ABHD12B: variants seen among roughly 807,000 people sequenced by gnomAD.
ABHD12B encodes the protein protein ABHD12B.
Under a neutral mutation model 50.4 loss-of-function variants are expected in ABHD12B, and 42 were observed. That is an observed-to-expected ratio of 0.83 (90% CI 0.65 to 1.08). ABHD12B has a LOEUF of 1.08. Among genes scored for constraint, ABHD12B ranks in the 50% least tolerant of loss-of-function variants. The probability of loss-of-function intolerance (pLI) is 0.00; values close to 1 mark genes in which losing one functional copy is unlikely to be tolerated. For missense variants in ABHD12B, 479 were observed against 447.7 expected, an observed-to-expected ratio of 1.07 and a Z score of -0.63; for synonymous variants, 167 against 160.3, an observed-to-expected ratio of 1.04 and a Z score of -0.32.
intron 8 of ABHD12B, among the ~76,000 whole-genome samples, chr14:50,888,569 T>C (rs886171421): frequency 6.6e-6 from 1 of 152,120 alleles, no homozygotes; most frequent in African/African-American, 2.4e-5. Context: ...GGTTTTCAGT[T>C]ATCATCATGT....
At chr14:50,895,151 C>T (rs556899408) in intron 9 of ABHD12B, among the ~76,000 whole-genome samples, 1 of 150,224 alleles carries the variant, frequency 6.7e-6, no homozygotes, top group African/African-American at 2.5e-5. Context: ...AGACACTTTA[C>T]AGCCCTAGAC....
intron 4 of ABHD12B, among the ~76,000 whole-genome samples, chr14:50,881,028 G>A (rs920089096): frequency 3.3e-5 from 5 of 152,160 alleles, no homozygotes; most frequent in Non-Finnish European, 7.3e-5. Flanking sequence ...GAGGTCACAC[G>A]GAATTCTGAC....
At position 50,881,696 on chromosome 14, in the gene ABHD12B, G is replaced by A. The variant is rs548833648; in HGVS notation, c.486+70G>A. ...TGATATGTCATAAGATTTTCCTCAG[G>A]CCCTCCGCGTGGTTGTTTTTTGAGA... On this transcript the variant is annotated intron_variant, in intron 5 of 12. Coordinates refer to ENST00000337334, the MANE Select transcript of ABHD12B (RefSeq NM_001206673.2). 2.3e-5 allele frequency: 36 copies of A among 1,589,660 alleles called. No individual in the cohort carries two copies. The African/African-American group carries it at 4.2e-4, about 19-fold the overall frequency.
intron 9 of ABHD12B, among the ~76,000 whole-genome samples, chr14:50,898,563 C>T (rs2050225196): frequency 6.6e-6 from 1 of 152,096 alleles, no homozygotes; most frequent in Non-Finnish European, 1.5e-5. Flanking sequence ...AAGGTATGAC[C>T]TGTGAGTCTC....
intron 5 of ABHD12B, among the ~76,000 whole-genome samples, chr14:50,882,082 C>A (rs915210444): frequency 6.6e-6 from 1 of 151,884 alleles, no homozygotes; most frequent in African/African-American, 2.4e-5. Context: ...ATTACAGGCA[C>A]CAACCACCAC....
In ABHD12B at chr14:50,903,463, A is replaced by G. The variant is rs759608972; in HGVS notation, c.938A>G (p.Lys313Arg). The G allele has an allele frequency of 1.2e-6, 2 of 1,611,644 alleles. No homozygotes were observed. The highest frequency in any genetic ancestry group is 1.7e-6 in the Non-Finnish European group (2 of 1,178,428). ...DDRTVPLEYG[K>R]KLYEIARNAY... ...AGGACAGTGCCTTTGGAGTATGGGA[A>G]AAAGGTAAACTAAGGGCTCAATGCT... is the stretch of plus-strand genomic sequence containing the variant. The change falls in exon 11 of 13, where the codon AAA becomes AGA. Residue 313 changes from lysine to arginine, a missense_variant. Physicochemically the swap from Lys to Arg is conservative, Grantham distance 26 (BLOSUM62 2). Transcript: ENST00000337334.
intron 11 of ABHD12B, 77 bp from the exon 12 acceptor site, chr14:50,903,997 C>T: frequency 8.3e-7 from 1 of 1,199,400 alleles, no homozygotes; most frequent in Non-Finnish European, 1.2e-6. Flanking sequence ...TGTTTCTGTA[C>T]ACTTTTAGGG....
At chr14:50,887,088 C>A (rs1047084135) in intron 8 of ABHD12B, among the ~76,000 whole-genome samples, 12 of 151,766 alleles carry the variant, frequency 7.9e-5, no homozygotes, top group African/African-American at 2.9e-4. Flanking sequence ...GTGGTGGGTG[C>A]CTGTAATCCC....
chr14:50,895,020 C>CTCTT (rs2050177082), intron 9 of ABHD12B, among the ~76,000 whole-genome samples: 1 of 149,436 alleles, frequency 6.7e-6, no homozygotes, highest in Non-Finnish European at 1.5e-5. Context: ...GTGGCTGGAG[C>CTCTT]TAAAGGCATA....
intron 9 of ABHD12B, among the ~76,000 whole-genome samples, chr14:50,894,720 C>G (rs1383426707): frequency 6.6e-6 from 1 of 151,412 alleles, no homozygotes; most frequent in Non-Finnish European, 1.5e-5. Flanking sequence ...CAGTCCCTTC[C>G]TAGTCTCTGT....
chr14:50,894,105 C>T (rs930387864), intron 9 of ABHD12B, among the ~76,000 whole-genome samples: 4 of 152,050 alleles, frequency 2.6e-5, no homozygotes, highest in Non-Finnish European at 4.4e-5. Context: ...GTACCCCAAC[C>T]CCTTCTCTCC....
At chr14:50,875,854 C>T (rs2049856014) in intron 1 of ABHD12B, among the ~76,000 whole-genome samples, 1 of 152,200 alleles carries the variant, frequency 6.6e-6, no homozygotes, top group Middle Eastern at 3.2e-3. Context: ...CACACATTTC[C>T]CTCTACTGCC....
chr14:50,872,237 C>T lies in ABHD12B; in HGVS notation c.63C>T (p.Ser21=). 7.2e-7 allele frequency: 1 copy of T among 1,394,810 alleles called. No individual in the cohort carries two copies. The highest frequency in any genetic ancestry group is 9.3e-7 in the Non-Finnish European group (1 of 1,071,490). 86.4% of individuals were successfully genotyped at this position (1,394,810 alleles called of 1,614,324 possible). The part of the protein sequence containing the change: ...SPEPPGPPAR[S]CVAAWWDMVD... Reference sequence around the variant, plus strand: ...AGCCGCCCGGGCCCCCAGCCCGTAGCTGCGTGGCCGCCTGGTGGGACATGG... The same window carrying T: ...AGCCGCCCGGGCCCCCAGCCCGTAGTTGCGTGGCCGCCTGGTGGGACATGG... Residue 21 remains serine (S), a synonymous_variant, in exon 1 of 13, where the codon AGC becomes AGT. Coordinates refer to ENST00000337334, the MANE Select transcript of ABHD12B (RefSeq NM_001206673.2).
rs1482468825 is a variant in ABHD12B at position 50,904,330 on chromosome 14, T to C, written c.1062-9T>C. 1 of 1,613,678 alleles carries C rather than the reference T, an allele frequency of 6.2e-7. No individual in the cohort carries two copies. Among genetic ancestry groups the C allele is most frequent in the Non-Finnish European group, 8.5e-7 (1 of 1,179,886 alleles). ...AGGGTGTGAGCTGATCTGGGTCCTT[T>C]TTCTACAGAGATTTCCTGAGCAAGC... On this transcript the variant is annotated splice_polypyrimidine_tract_variant and intron_variant, in intron 12 of 12. Transcript: ENST00000337334.
intron 5 of ABHD12B, among the ~76,000 whole-genome samples, chr14:50,883,209 T>C (rs1315368670): frequency 2.0e-5 from 3 of 152,158 alleles, no homozygotes; most frequent in Non-Finnish European, 4.4e-5. Context: ...GGTTAGGTAA[T>C]CTCCGCTGCT....
chr14:50,904,436 T>C lies in ABHD12B; in HGVS notation c.*70T>C. On this transcript the variant is annotated 3_prime_UTR_variant, in exon 13 of 13. Coordinates refer to ENST00000337334, the MANE Select transcript of ABHD12B (RefSeq NM_001206673.2). The stretch of plus-strand genomic sequence containing the variant: ...CCACCTGTGATGTATATTGTTCTAA[T>C]GTAAAATTGTACTGGGCTGGTCGGA... The C allele has an allele frequency of 2.5e-6, 4 of 1,598,042 alleles. No homozygotes were observed. Among genetic ancestry groups the C allele is most frequent in the South Asian group, 1.1e-5 (1 of 90,814 alleles).
At chr14:50,889,671 C>T (rs1457290635) in intron 9 of ABHD12B, among the ~76,000 whole-genome samples, 1 of 152,094 alleles carries the variant, frequency 6.6e-6, no homozygotes, top group Non-Finnish European at 1.5e-5. Context: ...TGTAGACTAT[C>T]CTAACTTTAT....
chr14:50,874,773 C>T (rs570798234), intron 1 of ABHD12B, among the ~76,000 whole-genome samples: 4 of 152,294 alleles, frequency 2.6e-5, no homozygotes, highest in African/African-American at 9.6e-5. Flanking sequence ...TTCATTCTTT[C>T]CACAGCGTTG....
chr14:50,879,840 A>C (rs1348106560), intron 3 of ABHD12B, among the ~76,000 whole-genome samples: 3 of 152,128 alleles, frequency 2.0e-5, no homozygotes, highest in Non-Finnish European at 4.4e-5. Flanking sequence ...TCTGTCCTTA[A>C]GTGATGGAGA....
Sources: allele counts gnomAD v4.1 joint callset (sites outside exome capture counted in the v4.1 genomes callset), GRCh38; gene constraint gnomAD v4.1.1; transcripts MANE v1.5; gene names NCBI Gene and HGNC (gene_info 2026-07-23, HGNC 2026-07-21).